Variants in NEK11 observed in about 807,000 individuals in gnomAD.
The protein encoded by NEK11 is NIMA related kinase 11, also known as serine/threonine-protein kinase Nek11.
A neutral mutation model predicts 80.7 loss-of-function variants in NEK11; 72 were observed. The observed-to-expected ratio is 0.89, with a 90% CI of 0.74 to 1.08. The LOEUF (loss-of-function observed/expected upper bound fraction) is 1.08. Among genes scored for constraint, NEK11 ranks in the 50% least tolerant of loss-of-function variants. The pLI, the probability that NEK11 is intolerant of heterozygous loss-of-function variation, is 0.00. For synonymous variants in NEK11, 251 were observed against 260.7 expected (o/e 0.96, Z 0.36); for missense variants, 764 against 763.6 (o/e 1.00, Z -0.01).
intron 14 of NEK11, chr3:131,175,213 A>T: frequency 1.4e-6 from 1 of 722,630 alleles, no homozygotes; most frequent in African/African-American, 1.9e-5. Context: ...TTAGATAGTT[A>T]TCTGAAAGAA....
At chr3:131,145,107 G>C (rs1436198962) in intron 7 of NEK11, among the ~76,000 whole-genome samples, 1 of 152,010 alleles carries the variant, frequency 6.6e-6, no homozygotes, top group African/African-American at 2.4e-5. Flanking sequence ...GAGCTCAAGT[G>C]ATCCTCCCAC....
intron 4 of NEK11, among the ~76,000 whole-genome samples, chr3:131,104,658 G>T (rs2149300410): frequency 6.6e-6 from 1 of 152,212 alleles, no homozygotes; most frequent in South Asian, 2.1e-4. Context: ...CGTGCGTGTG[G>T]TACCTATCCT....
chr3:131,162,864 G>A lies in NEK11; in HGVS notation c.1082+337G>A, dbSNP rs180917252. Among the ~76,000 whole-genome samples the A allele has an allele frequency of 4.9e-4, 75 of 152,210 alleles. 1 individual carries two copies. Among genetic ancestry groups the A allele is most frequent in the Admixed American group, 1.4e-3 (21 of 15,288 alleles). On this transcript the variant is annotated intron_variant, in intron 11 of 17. Coordinates refer to ENST00000383366, the MANE Select transcript of NEK11 (RefSeq NM_024800.5). ...AGCAGGAGACATCACTGTTTCACCC[G>A]GATTCCCTAGGTGCTTGCTGCGTAC... is the stretch of plus-strand genomic sequence containing the variant.
At chr3:131,110,760 G>A (rs943781100) in intron 5 of NEK11, among the ~76,000 whole-genome samples, 1 of 152,228 alleles carries the variant, frequency 6.6e-6, no homozygotes, top group South Asian at 2.1e-4. Flanking sequence ...ATCCGTGGAT[G>A]TCAGGTTGCT....
intron 5 of NEK11, among the ~76,000 whole-genome samples, chr3:131,120,170 C>T (rs775755819): frequency 2.0e-5 from 3 of 152,120 alleles, no homozygotes; most frequent in Non-Finnish European, 4.4e-5. Flanking sequence ...GTAAGGTAGA[C>T]CTGGTGGTGA....
chr3:131,147,507 GAT>G (rs1241208593), intron 7 of NEK11, among the ~76,000 whole-genome samples: 1 of 151,828 alleles, frequency 6.6e-6, no homozygotes, highest in Non-Finnish European at 1.5e-5. Flanking sequence ...AATAAATCTT[GAT>G]ATTTGGTCAT....
intron 5 of NEK11, among the ~76,000 whole-genome samples, chr3:131,117,034 G>A (rs2081352937): frequency 6.6e-6 from 1 of 152,188 alleles, no homozygotes; most frequent in Admixed American, 6.5e-5. Flanking sequence ...TGGTGTTTTA[G>A]TCATGAAGTC....
At chr3:131,173,875 A>G (rs1275412997) in intron 14 of NEK11, among the ~76,000 whole-genome samples, 1 of 152,162 alleles carries the variant, frequency 6.6e-6, no homozygotes, top group Non-Finnish European at 1.5e-5. Flanking sequence ...GAAATCGTCA[A>G]ATCTACTTCT....
intron 3 of NEK11, among the ~76,000 whole-genome samples, chr3:131,046,806 T>A (rs897973920): frequency 6.6e-6 from 1 of 152,184 alleles, no homozygotes; most frequent in African/African-American, 2.4e-5. Flanking sequence ...TACCTAGGTG[T>A]TCTTTGAGCT....
At chr3:131,089,868 A>G (rs1361449852) in intron 4 of NEK11, among the ~76,000 whole-genome samples, 1 of 152,244 alleles carries the variant, frequency 6.6e-6, no homozygotes, top group Non-Finnish European at 1.5e-5. Flanking sequence ...AAGAATGCTT[A>G]TTTAATGGAG....
At chr3:131,287,628 A>G (rs1015871956) in intron 17 of NEK11, among the ~76,000 whole-genome samples, 15 of 152,112 alleles carry the variant, frequency 9.9e-5, no homozygotes, top group African/African-American at 3.6e-4. Context: ...CCCCGGGGAT[A>G]TCTGAATTAT....
chr3:131,259,045 CT>C (rs899785015), intron 16 of NEK11, among the ~76,000 whole-genome samples: 1 of 151,892 alleles, frequency 6.6e-6, no homozygotes, highest in Non-Finnish European at 1.5e-5. Flanking sequence ...AGATAGGATT[CT>C]TTTTTTTGTA....
intron 7 of NEK11, among the ~76,000 whole-genome samples, chr3:131,151,961 G>T (rs1393367877): frequency 6.6e-6 from 1 of 152,048 alleles, no homozygotes; most frequent in East Asian, 1.9e-4. Flanking sequence ...ACATTAGAGG[G>T]AAGGTTAGGC....
At chr3:131,256,752 A>C (rs1408085631) in intron 16 of NEK11, among the ~76,000 whole-genome samples, 1 of 152,096 alleles carries the variant, frequency 6.6e-6, no homozygotes, top group Non-Finnish European at 1.5e-5. Flanking sequence ...AGTCATCTGA[A>C]GGCTTCACTG....
intron 7 of NEK11, chr3:131,134,413 T>C (rs1347641021): frequency 6.6e-6 from 1 of 152,250 alleles, no homozygotes; most frequent in Admixed American, 6.5e-5. Flanking sequence ...ACTATTTTTT[T>C]TTTTTGAAAT....
At chr3:131,029,577 C>G in intron 2 of NEK11, 36 bp from the exon 3 acceptor site, 1 of 843,924 alleles carries the variant, frequency 1.2e-6, no homozygotes, top group South Asian at 1.8e-5. Context: ...CGTTTAGCAA[C>G]CTTTAGACCT....
chr3:131,033,162 C>A (rs1194632356), intron 3 of NEK11, among the ~76,000 whole-genome samples: 1 of 151,718 alleles, frequency 6.6e-6, no homozygotes, highest in Non-Finnish European at 1.5e-5. Flanking sequence ...ATGTTTAATG[C>A]ATATATGAGG....
chr3:131,057,663 T>G (rs1399235764), intron 3 of NEK11, among the ~76,000 whole-genome samples: 3 of 152,114 alleles, frequency 2.0e-5, no homozygotes, highest in African/African-American at 7.2e-5. Context: ...TTTTCATGTG[T>G]TTTTTGGCTG....
intron 3 of NEK11, among the ~76,000 whole-genome samples, chr3:131,033,398 C>T (rs2109346673): frequency 6.6e-6 from 1 of 152,208 alleles, no homozygotes; most frequent in South Asian, 2.1e-4. Flanking sequence ...ATTCCTTCAA[C>T]ACATCAGAAT....
Sources: gnomAD v4.1 joint callset for allele counts (sites outside exome capture counted in the v4.1 genomes callset) on GRCh38, gnomAD v4.1.1 for gene constraint, MANE v1.5 for transcripts, NCBI Gene and HGNC (gene_info 2026-07-23, HGNC 2026-07-21) for gene names.